Variants in DSC3 observed in about 807,000 individuals in gnomAD.
DSC3 encodes the protein desmocollin 3.
DSC3 carries 97 observed loss-of-function variants against 89.5 expected under a neutral mutation model. The observed-to-expected ratio is 1.08, with a 90% CI of 0.92 to 1.28. The LOEUF is 1.28. Ranked by LOEUF, DSC3 falls within the 50% of genes most tolerant of loss-of-function variation. The pLI, the probability that DSC3 is intolerant of heterozygous loss-of-function variation, is 0.00. For missense variants in DSC3, 1,199 were observed against 1,085.3 expected (o/e 1.10, Z -1.47); for synonymous variants, 436 against 384.1 (o/e 1.14, Z -1.58).
At chr18:31,005,997 AG>A (rs1271223996) in intron 12 of DSC3, among the ~76,000 whole-genome samples, 1 of 152,222 alleles carries the variant, frequency 6.6e-6, no homozygotes, top group Non-Finnish European at 1.5e-5. Flanking sequence ...GAAATGGAAA[AG>A]GAGGTATTCT....
At chr18:31,022,315 T>C (rs1985448453) in intron 7 of DSC3, 21 bp downstream of exon 7, 1 of 1,613,742 alleles carries the variant, frequency 6.2e-7, no homozygotes, top group Non-Finnish European at 8.5e-7. Context: ...GAAATGAAAT[T>C]CTATGGAGTG....
intron 13 of DSC3, among the ~76,000 whole-genome samples, chr18:31,003,503 C>T (rs1239838532): frequency 1.3e-5 from 2 of 152,156 alleles, no homozygotes; most frequent in East Asian, 1.9e-4. Context: ...AGTGCTACAC[C>T]ATATGGTAGG....
At chr18:31,004,733 G>A (rs932975126) in intron 12 of DSC3, among the ~76,000 whole-genome samples, 3 of 151,904 alleles carry the variant, frequency 2.0e-5, no homozygotes, top group East Asian at 1.9e-4. Context: ...TGAAGTTTAC[G>A]TTTCTTATCC....
At chr18:31,008,659 T>C in intron 9 of DSC3, 134 bp from the exon 10 acceptor site, 1 of 1,202,330 alleles carries the variant, frequency 8.3e-7, no homozygotes, top group African/African-American at 1.5e-5. Context: ...CTGACTTTTA[T>C]CCCTTGCTAA....
chr18:31,002,471 C>T (rs953787459), intron 13 of DSC3, among the ~76,000 whole-genome samples: 7 of 152,122 alleles, frequency 4.6e-5, no homozygotes, highest in African/African-American at 1.7e-4. Context: ...GAGGCTGAGG[C>T]GGGTGGATCA....
chr18:31,011,878 A>G (rs1384973703), intron 9 of DSC3, among the ~76,000 whole-genome samples: 1 of 147,410 alleles, frequency 6.8e-6, no homozygotes, highest in African/African-American at 2.5e-5. Flanking sequence ...CTGTAGTCCC[A>G]GCTGCTTGGG....
chr18:30,999,545 A>G (rs969164667), intron 14 of DSC3, among the ~76,000 whole-genome samples: 1 of 152,186 alleles, frequency 6.6e-6, no homozygotes, highest in African/African-American at 2.4e-5. Context: ...AGTGAATAAA[A>G]GAGGAATTTA....
At chr18:31,020,327 C>T (rs276918) in intron 7 of DSC3, among the ~76,000 whole-genome samples, 89,438 of 151,886 alleles carry the variant, frequency 0.59, 27,382 homozygotes, top group East Asian at 0.94. Flanking sequence ...ATAAGAAGAC[C>T]ATACAAAGGA....
chr18:31,003,967 G>T (rs1014781642), intron 13 of DSC3, among the ~76,000 whole-genome samples, 175 bp downstream of exon 13: 3 of 152,150 alleles, frequency 2.0e-5, no homozygotes, highest in Non-Finnish European at 4.4e-5. Context: ...TCTCAAGAAG[G>T]ATCATGTTCC....
At chr18:31,023,055 A>G (rs1985477166) in intron 6 of DSC3, among the ~76,000 whole-genome samples, 1 of 152,186 alleles carries the variant, frequency 6.6e-6, no homozygotes, top group Admixed American at 6.5e-5. Context: ...ACCTACTGAT[A>G]AAATGTGCTT....
At chr18:31,040,463 T>G (rs1986096152) in intron 1 of DSC3, among the ~76,000 whole-genome samples, 1 of 152,188 alleles carries the variant, frequency 6.6e-6, no homozygotes, top group African/African-American at 2.4e-5. Flanking sequence ...GTGAGTGAGA[T>G]GCTCTGATAT....
At chr18:31,026,054 T>C (rs550959147) in intron 4 of DSC3, 139 bp from the exon 5 acceptor site, 2 of 884,688 alleles carry the variant, frequency 2.3e-6, no homozygotes, top group African/African-American at 1.7e-5. Flanking sequence ...ATAACCATTG[T>C]TGGCAAGAGT....
chr18:31,005,978 T>A (rs1217646017), intron 12 of DSC3, among the ~76,000 whole-genome samples: 8 of 152,066 alleles, frequency 5.3e-5, no homozygotes, highest in Non-Finnish European at 1.2e-4. Flanking sequence ...CTCATAAATA[T>A]CAAGCTAAGA....
At chr18:31,042,111 C>A (rs1276437737) in intron 1 of DSC3, among the ~76,000 whole-genome samples, 1 of 152,104 alleles carries the variant, frequency 6.6e-6, no homozygotes, top group Non-Finnish European at 1.5e-5. Context: ...GGACACAGCC[C>A]CGGCTCCACT....
At chr18:31,002,423 G>T (rs754744629) in intron 13 of DSC3, among the ~76,000 whole-genome samples, 1 of 152,034 alleles carries the variant, frequency 6.6e-6, no homozygotes, top group Non-Finnish European at 1.5e-5. Flanking sequence ...AATTACAGCC[G>T]GGTGCAGTGG....
rs775187201 is a variant in DSC3, at chr18:31,036,798, C to CTTTTTTTTTTTTT, written c.70-4523_70-4522insAAAAAAAAAAAAA. Among the ~76,000 whole-genome samples, 503 of 107,288 alleles carry CTTTTTTTTTTTTT rather than the reference C, an allele frequency of 4.7e-3. 63 individuals carry two copies. Among genetic ancestry groups the CTTTTTTTTTTTTT allele is most frequent in the African/African-American group, 0.015 (421 of 28,078 alleles). 70.4% of individuals were successfully genotyped at this position (107,288 alleles called of 152,430 possible). ...TATTTCCTTTTTGCTTTCTTTCTTC[C>CTTTTTTTTTTTTT]TTTTTTTTTTTTGAGATGGAATCTT... On this transcript the variant is annotated intron_variant, in intron 1 of 15. Transcript: ENST00000360428.
Position 31,001,741 on chromosome 18 carries a change from T to C in DSC3, c.2114-2A>G. The C allele has an allele frequency of 6.3e-7, 1 of 1,582,180 alleles. No individual in the cohort carries two copies. The highest frequency in any genetic ancestry group is 1.2e-5 in the South Asian group (1 of 83,820). On this transcript the variant is annotated splice_acceptor_variant, in intron 13 of 15. Transcript: ENST00000360428. LOFTEE classifies it high-confidence loss of function. ...CACATACTAAAGTTAGCAATACAGC[T>C]GAATTTAAAAATAAAAATAAAATAA...
rs1489882799 is a variant in DSC3, at chr18:30,990,731, C to T, written c.*3444G>A. On this transcript the variant is annotated 3_prime_UTR_variant, in exon 16 of 16. Coordinates refer to ENST00000360428, the MANE Select transcript of DSC3 (RefSeq NM_001941.5). ...CATGTTTTCCCTTGACTACACTGGT[C>T]CTCAAAGTAAAACCCCTGTGTCAGT... is the stretch of plus-strand genomic sequence containing the variant. 1 of 152,116 alleles carries T rather than the reference C, an allele frequency of 6.6e-6. No homozygotes were observed. Among genetic ancestry groups the T allele is most frequent in the Non-Finnish European group, 1.5e-5 (1 of 68,016 alleles). 9.4% of individuals were successfully genotyped at this position (152,116 alleles called of 1,614,324 possible). A position where few individuals can be genotyped will look rare whatever the true frequency, so the allele number is the denominator to read the frequency against.
intron 9 of DSC3, among the ~76,000 whole-genome samples, chr18:31,012,829 C>A (rs1212820525): frequency 2.0e-5 from 3 of 151,906 alleles, no homozygotes; most frequent in Admixed American, 1.3e-4. Context: ...GGATGTAAAT[C>A]CTAGACAGAA....
Sources: allele counts gnomAD v4.1 joint callset (sites outside exome capture counted in the v4.1 genomes callset), GRCh38; gene constraint gnomAD v4.1.1; transcripts MANE v1.5; gene names NCBI Gene and HGNC (gene_info 2026-07-23, HGNC 2026-07-21).